The following DAPK2 variants were observed in gnomAD, a reference collection of about 807,000 sequenced individuals.
DAPK2 encodes the protein death-associated protein kinase 2.
In DAPK2, 35 loss-of-function variants were observed where a neutral mutation model predicts 44.1. The observed-to-expected ratio is 0.79, with a 90% CI of 0.61 to 1.05. The LOEUF is 1.05. Ranked by LOEUF, DAPK2 falls within the 50% of genes least tolerant of loss-of-function variation. DAPK2 has a pLI of 0.00. For missense variants in DAPK2, 453 were observed against 483.2 expected (o/e 0.94, Z 0.59); for synonymous variants, 174 against 182.6 (o/e 0.95, Z 0.38).
intron 3 of DAPK2, among the ~76,000 whole-genome samples, chr15:63,940,251 C>G (rs894804633): frequency 2.4e-4 from 37 of 152,106 alleles, no homozygotes; most frequent in Middle Eastern, 3.2e-3. Flanking sequence ...CACATCCACA[C>G]AAAATATGTA....
chr15:63,974,416 A>C (rs1442195211), intron 2 of DAPK2, among the ~76,000 whole-genome samples: 1 of 152,222 alleles, frequency 6.6e-6, no homozygotes, highest in Non-Finnish European at 1.5e-5. Context: ...TAAGGTGTAC[A>C]TTGGTTCCAT....
chr15:63,940,682 A>G (rs958269511), intron 3 of DAPK2, among the ~76,000 whole-genome samples: 1 of 152,182 alleles, frequency 6.6e-6, no homozygotes, highest in African/African-American at 2.4e-5. Context: ...ACTGCACTCC[A>G]GCCTGGGCAA....
intron 1 of DAPK2, among the ~76,000 whole-genome samples, chr15:64,027,561 C>CA (rs1278579760): frequency 3.3e-5 from 5 of 151,300 alleles, no homozygotes; most frequent in Non-Finnish European, 7.4e-5. Context: ...GACCCTGTCT[C>CA]AAAAAAAGAA....
intron 3 of DAPK2, among the ~76,000 whole-genome samples, chr15:63,943,210 GCC>G (rs2077362254): frequency 6.6e-6 from 1 of 151,644 alleles, no homozygotes; most frequent in Non-Finnish European, 1.5e-5. Flanking sequence ...GATTGCTTAA[GCC>G]CAGGAGTTCA....
At chr15:64,030,591 C>T (rs1204800250) in intron 1 of DAPK2, among the ~76,000 whole-genome samples, 1 of 152,092 alleles carries the variant, frequency 6.6e-6, no homozygotes, top group Non-Finnish European at 1.5e-5. Context: ...CCCTTCCTCC[C>T]CTTCCAGCCC....
rs145254506 is a variant in DAPK2 at position 63,962,648 on chromosome 15, G to A, written c.453+8775C>T. On this transcript the variant is annotated intron_variant, in intron 3 of 10. Coordinates refer to ENST00000261891, the Ensembl canonical transcript of DAPK2. Reference sequence around the variant, plus strand: ...CCCTGTTTTACTGGGTATCACCAGCGGAGGCTGCAGAACAGCAAATATTGC... The same window carrying A: ...CCCTGTTTTACTGGGTATCACCAGCAGAGGCTGCAGAACAGCAAATATTGC... Among the ~76,000 whole-genome samples the A allele has an allele frequency of 6.8e-3, 1,041 of 152,332 alleles. 13 individuals are homozygous for A. The highest frequency in any genetic ancestry group is 0.024 in the African/African-American group (984 of 41,564).
At chr15:63,982,446 C>A (rs548528960) in intron 2 of DAPK2, among the ~76,000 whole-genome samples, 10 of 152,204 alleles carry the variant, frequency 6.6e-5, no homozygotes, top group African/African-American at 2.4e-4. Flanking sequence ...CCTTGGCCTC[C>A]CAAAGTGCTA....
chr15:64,023,084 C>T (rs1409711145), intron 1 of DAPK2, among the ~76,000 whole-genome samples: 2 of 152,198 alleles, frequency 1.3e-5, no homozygotes. Context: ...ACTTACTCAT[C>T]CTTCATTCAG....
chr15:63,989,188 CAA>C (rs55972299), intron 1 of DAPK2, among the ~76,000 whole-genome samples: 2 of 109,842 alleles, frequency 1.8e-5, no homozygotes, highest in African/African-American at 3.8e-5. Flanking sequence ...ACTTTGTCTC[CAA>C]AAAAAAAAAA....
intron 1 of DAPK2, among the ~76,000 whole-genome samples, chr15:64,012,697 A>G (rs1317271861): frequency 6.6e-6 from 1 of 152,238 alleles, no homozygotes; most frequent in African/African-American, 2.4e-5. Flanking sequence ...AATATAGACT[A>G]TGCATATGTA....
chr15:64,005,182 T>A (rs2079192147), intron 1 of DAPK2, among the ~76,000 whole-genome samples: 1 of 152,054 alleles, frequency 6.6e-6, no homozygotes, highest in Admixed American at 6.6e-5. Flanking sequence ...ATACCCATCC[T>A]TGAGTGGTGC....
At chr15:63,947,625 A>G (rs1239143980) in intron 3 of DAPK2, among the ~76,000 whole-genome samples, 1 of 152,226 alleles carries the variant, frequency 6.6e-6, no homozygotes, top group Non-Finnish European at 1.5e-5. Context: ...ATAAATTAGG[A>G]ATAACAATCA....
intron 1 of DAPK2, among the ~76,000 whole-genome samples, chr15:64,009,872 G>C (rs1455615462): frequency 2.0e-5 from 3 of 152,126 alleles, no homozygotes; most frequent in Admixed American, 1.3e-4. Flanking sequence ...TCAAGACTTC[G>C]AGGTGGTTAG....
At chr15:64,003,036 G>A (rs1380123889) in intron 1 of DAPK2, among the ~76,000 whole-genome samples, 1 of 147,546 alleles carries the variant, frequency 6.8e-6, no homozygotes, top group Non-Finnish European at 1.5e-5. Context: ...GAGGTGGTGG[G>A]GTAGTGTTAA....
At chr15:63,943,269 T>A (rs1035964482) in intron 3 of DAPK2, among the ~76,000 whole-genome samples, 7 of 151,058 alleles carry the variant, frequency 4.6e-5, no homozygotes, top group Admixed American at 1.3e-4. Context: ...ACAAAAAAAA[T>A]TTTTAAAAAT....
Position 64,013,999 on chromosome 15 carries a change from G to A in DAPK2, c.92+26171C>T, listed in dbSNP as rs1386462633. Among the ~76,000 whole-genome samples, 3 of 152,244 alleles carry A rather than the reference G, an allele frequency of 2.0e-5. No homozygotes were observed. The highest frequency in any genetic ancestry group is 4.4e-5 in the Non-Finnish European group (3 of 68,044). On this transcript the variant is annotated intron_variant, in intron 1 of 10. Coordinates refer to ENST00000261891, the Ensembl canonical transcript of DAPK2. The surrounding 1 kb of genome is among the most constrained non-coding windows in gnomAD (Gnocchi z 4.7). ...TTCTAGCCAGGGTTCTGGCCAGGAG[G>A]CTAGGCTGCCAGAGGCCTTGCTGAG...
intron 3 of DAPK2, among the ~76,000 whole-genome samples, chr15:63,941,273 C>T (rs185188895): frequency 1.2e-4 from 18 of 152,296 alleles, no homozygotes; most frequent in African/African-American, 4.3e-4. Flanking sequence ...CCCTCCACCA[C>T]CCCCAGGAGT....
intron 1 of DAPK2, among the ~76,000 whole-genome samples, chr15:64,003,503 G>A (rs143689967): frequency 7.9e-5 from 12 of 152,338 alleles, no homozygotes; most frequent in African/African-American, 1.9e-4. Flanking sequence ...GACCCATGGT[G>A]GCATTACCTG....
chr15:63,992,287 C>T (rs1241394191), intron 1 of DAPK2, among the ~76,000 whole-genome samples: 1 of 152,112 alleles, frequency 6.6e-6, no homozygotes, highest in Non-Finnish European at 1.5e-5. Flanking sequence ...AGTCTAGATT[C>T]TAGACACTAA....
Sources: gnomAD v4.1 joint callset for allele counts (sites outside exome capture counted in the v4.1 genomes callset) on GRCh38, gnomAD v4.1.1 for gene constraint, Gnocchi (gnomAD v3.1) non-coding constraint, MANE v1.5 for transcripts, NCBI Gene and HGNC (gene_info 2026-07-23, HGNC 2026-07-21) for gene names.